TEX13C: variants seen among roughly 807,000 people sequenced by gnomAD.
TEX13C encodes testis-expressed protein 13C.
For synonymous variants in TEX13C, 219 were observed against 116.6 expected (o/e 1.88, Z -5.65); for missense variants, 480 against 298.7 (o/e 1.61, Z -4.47).
upstream of TEX13C, chrX:125,320,105 T>C (rs1216269698): frequency 1.3e-5 from 6 of 464,226 alleles, no homozygotes; most frequent in Non-Finnish European, 2.3e-5. Flanking sequence ...GCTGCTTGAC[T>C]AGGCCGCAGC....
exon 1 of TEX13C, chrX:125,323,105 C>T (rs1304785816): frequency 6.2e-6 from 3 of 485,347 alleles, no homozygotes; most frequent in African/African-American, 4.8e-5. Flanking sequence ...AGCGTAAACT[C>T]ATTGATTTCA....
At chrX:125,322,770 T>C in exon 1 of TEX13C, 1 of 514,839 alleles carries the variant, frequency 1.9e-6, no homozygotes, top group Non-Finnish European at 3.5e-6. Flanking sequence ...AAACATCCAG[T>C]GATTCCCCAG....
At position 125,321,703 on chromosome X, in the gene TEX13C, A is replaced by G. The variant is rs1224099599; in HGVS notation, c.1584A>G (p.Lys528=). The stretch of plus-strand genomic sequence containing the variant: ...ACAGCAAGAGTCACAGGATGAAGAA[A>G]GATCCAGTGATGCCCCAGAAGATGG... The change falls in exon 1 of 1, where the codon AAA becomes AAG. Residue 528 remains lysine (K), a synonymous_variant. Transcript: ENST00000632600. 4 of 499,515 alleles carry G rather than the reference A, an allele frequency of 8.0e-6. No individual in the cohort carries two copies. The African/African-American group carries it at 1.2e-4, about 15-fold the overall frequency. The allele number at this position is 499,515 out of a possible 1,213,427, so 41.2% of individuals were successfully genotyped here.
At chrX:125,323,168 C>A in exon 1 of TEX13C, 2 of 426,624 alleles carry the variant, frequency 4.7e-6, no homozygotes, top group Non-Finnish European at 4.1e-6. Context: ...TCCCAGGACC[C>A]CCTTCTGATA....
chrX:125,321,532 G>A, exon 1 of TEX13C: 1 of 511,843 alleles, frequency 2.0e-6, no homozygotes, highest in Non-Finnish European at 3.5e-6. Context: ...TGGTGGCCCA[G>A]GGCACAGCTC....
chrX:125,323,828 C>T (rs1459618763), exon 1 of TEX13C: 2 of 111,854 alleles, frequency 1.8e-5, no homozygotes, highest in African/African-American at 6.5e-5. Flanking sequence ...CTGATGGACC[C>T]ACACCTCACT....
chrX:125,321,100 T>C (rs1569520547), exon 1 of TEX13C: 3 of 513,739 alleles, frequency 5.8e-6, no homozygotes, highest in East Asian at 7.2e-5. Flanking sequence ...AAGGAATGAC[T>C]TCCCAAGGGG....
chrX:125,323,153 C>A, exon 1 of TEX13C: 1 of 441,770 alleles, frequency 2.3e-6, no homozygotes, highest in Non-Finnish European at 3.9e-6. Flanking sequence ...AAAGAGAAAC[C>A]AATTTCCCAG....
exon 1 of TEX13C, chrX:125,321,072 A>G (rs761692609): frequency 3.9e-6 from 2 of 515,488 alleles, no homozygotes; most frequent in Non-Finnish European, 7.0e-6. Flanking sequence ...AACCAAAAGG[A>G]AGGTTCTGAG....
chrX:125,321,034 A>G (rs1395786797), exon 1 of TEX13C: 2 of 515,478 alleles, frequency 3.9e-6, no homozygotes, highest in African/African-American at 2.3e-5. Flanking sequence ...TCCAGGGAGT[A>G]TATCACCCAG....
At chrX:125,320,152 G>C in exon 1 of TEX13C, 3 of 496,072 alleles carry the variant, frequency 6.0e-6, no homozygotes, top group Non-Finnish European at 7.3e-6. Context: ...ATGCCAGCGG[G>C]TTCCGCCATG....
At chrX:125,324,081 G>T (rs1403973970) in exon 1 of TEX13C, 1 of 111,178 alleles carries the variant, frequency 9.0e-6, no homozygotes, top group Non-Finnish European at 1.9e-5. Context: ...GAGTTTAGGG[G>T]GTTGTAGTGT....
At chrX:125,321,527 G>T in exon 1 of TEX13C, 1 of 466,638 alleles carries the variant, frequency 2.1e-6, no homozygotes, top group Non-Finnish European at 3.8e-6. Flanking sequence ...TCCAGTGGTG[G>T]CCCAGGGCAC....
chrX:125,323,237 A>G (rs778450055), exon 1 of TEX13C: 1 of 424,935 alleles, frequency 2.4e-6, no homozygotes, highest in Admixed American at 4.5e-5. Context: ...AGAAAATTAG[A>G]TAAAATAATC....
exon 1 of TEX13C, chrX:125,323,273 A>G: frequency 2.5e-6 from 1 of 401,159 alleles, no homozygotes; most frequent in South Asian, 4.9e-5. Flanking sequence ...CAAATTAAGT[A>G]CTTTTTATCA....
exon 1 of TEX13C, chrX:125,322,387 T>A (rs1166330139): frequency 6.5e-6 from 3 of 458,513 alleles, no homozygotes; most frequent in Non-Finnish European, 1.1e-5. Context: ...TGAAGAAAGA[T>A]CCAGTGATGC....
exon 1 of TEX13C, chrX:125,320,282 G>A (rs1485410912): frequency 3.9e-6 from 2 of 515,214 alleles, no homozygotes; most frequent in African/African-American, 4.6e-5. Context: ...GGCCATTGTG[G>A]CCGACCCGCG....
chrX:125,323,323 T>C (rs1207232805), exon 1 of TEX13C: 1 of 306,384 alleles, frequency 3.3e-6, no homozygotes, highest in Admixed American at 5.6e-5. Flanking sequence ...TGTATTTATT[T>C]TCTTATTTTA....
exon 1 of TEX13C, chrX:125,320,576 A>G: frequency 1.9e-6 from 1 of 515,865 alleles, no homozygotes; most frequent in South Asian, 2.5e-5. Context: ...TGAGAGATCC[A>G]TGCAGGTCTA....
Sources: allele counts gnomAD v4.1 joint callset, GRCh38; gene constraint gnomAD v4.1.1; transcripts MANE v1.5; gene names NCBI Gene and HGNC (gene_info 2026-07-23, HGNC 2026-07-21).